The following ANKS1B variants were observed in gnomAD, a reference collection of about 807,000 sequenced individuals.
ANKS1B encodes the protein ankyrin repeat and sterile alpha motif domain-containing protein 1B.
In ANKS1B, 36 loss-of-function variants were observed where a neutral mutation model predicts 148.3. That is an observed-to-expected ratio of 0.24 (90% CI 0.19 to 0.32). The LOEUF (loss-of-function observed/expected upper bound fraction) is 0.32. Among genes scored for constraint, ANKS1B ranks in the 10% least tolerant of loss-of-function variants. The pLI is 1.00. For missense variants in ANKS1B, 1,157 were observed against 1,542.6 expected, an observed-to-expected ratio of 0.75 and a Z score of 4.19; for synonymous variants, 542 against 560.8, an observed-to-expected ratio of 0.97 and a Z score of 0.47.
At chr12:98,843,535 C>T (rs1363341641) in intron 17 of ANKS1B, among the ~76,000 whole-genome samples, 1 of 152,204 alleles carries the variant, frequency 6.6e-6, no homozygotes, top group African/African-American at 2.4e-5. Context: ...TATAAATCAC[C>T]CAGTCTCAGA....
intron 10 of ANKS1B, among the ~76,000 whole-genome samples, chr12:99,498,690 G>T (rs971437834): frequency 5.3e-5 from 8 of 152,070 alleles, no homozygotes; most frequent in Admixed American, 4.6e-4. Context: ...GAACATCAGA[G>T]GTACTCAATA....
chr12:99,581,662 G>A (rs554091037), intron 9 of ANKS1B, among the ~76,000 whole-genome samples: 6 of 151,212 alleles, frequency 4.0e-5, no homozygotes, highest in East Asian at 1.9e-4. Flanking sequence ...AGGCCGAGGC[G>A]GGTGGATCAT....
chr12:99,311,527 C>T lies in ANKS1B; in HGVS notation c.1757-64663G>A, dbSNP rs570410438. On this transcript the variant is annotated intron_variant, in intron 12 of 26. Coordinates refer to ENST00000683438, the MANE Select transcript of ANKS1B (RefSeq NM_001352186.2). ...ACAAGTATCAATATAGAAGTAAACACCATCAGAATTCAGAACTGGAAGTGA... is the reference window on the plus strand; with the variant it reads ...ACAAGTATCAATATAGAAGTAAACATCATCAGAATTCAGAACTGGAAGTGA... 8.5e-5 allele frequency among the ~76,000 whole-genome samples: 13 copies of T among 152,154 alleles called. No individual in the cohort carries two copies. The South Asian group carries it at 2.7e-3, about 32-fold the overall frequency.
chr12:98,881,302 A>G (rs1044024959), intron 17 of ANKS1B, among the ~76,000 whole-genome samples: 15 of 152,220 alleles, frequency 9.9e-5, no homozygotes, highest in African/African-American at 3.6e-4. Flanking sequence ...CAGAGTAATC[A>G]ATCATTCCAG....
intron 2 of ANKS1B, among the ~76,000 whole-genome samples, chr12:99,818,728 T>C (rs2153674356): frequency 6.6e-6 from 1 of 151,874 alleles, no homozygotes. Context: ...TTTAATAATA[T>C]CCAATGTAAA....
chr12:99,625,769 G>A (rs1016710345), intron 9 of ANKS1B, among the ~76,000 whole-genome samples: 2 of 152,118 alleles, frequency 1.3e-5, no homozygotes, highest in Admixed American at 1.3e-4. Flanking sequence ...ACGTTCACAG[G>A]AGAGGATGAG....
At chr12:99,585,219 G>A (rs1034824110) in intron 9 of ANKS1B, among the ~76,000 whole-genome samples, 5 of 152,150 alleles carry the variant, frequency 3.3e-5, no homozygotes, top group Non-Finnish European at 7.3e-5. Context: ...CCAAATGGGA[G>A]AAATTGGCCA....
intron 14 of ANKS1B, among the ~76,000 whole-genome samples, chr12:99,176,775 T>C (rs2078442975): frequency 6.6e-6 from 1 of 152,022 alleles, no homozygotes. Flanking sequence ...TCCCATTTTC[T>C]CCGTGTGAGA....
At chr12:98,851,869 CA>C (rs58335929) in intron 17 of ANKS1B, among the ~76,000 whole-genome samples, 23 of 151,472 alleles carry the variant, frequency 1.5e-4, no homozygotes, top group African/African-American at 5.6e-4. Flanking sequence ...ACTAAAAATA[CA>C]AAAATTAGCT....
rs917463031 is a variant in ANKS1B at position 98,883,583 on chromosome 12, A to G, written c.2779-51447T>C. On this transcript the variant is annotated intron_variant, in intron 17 of 26. Coordinates refer to ENST00000683438, the MANE Select transcript of ANKS1B (RefSeq NM_001352186.2). ...ATGCTTTTATTCATAGTCACTTACAATGCAGGGACACAATTCAAGAAAGCT... is the reference window on the plus strand; with the variant it reads ...ATGCTTTTATTCATAGTCACTTACAGTGCAGGGACACAATTCAAGAAAGCT... Among the ~76,000 whole-genome samples the G allele has an allele frequency of 3.3e-5, 5 of 152,352 alleles. No individual in the cohort carries two copies. The East Asian group carries it at 9.6e-4, about 29-fold the overall frequency.
intron 22 of ANKS1B, among the ~76,000 whole-genome samples, chr12:98,796,758 C>T (rs548766627): frequency 6.6e-6 from 1 of 152,190 alleles, no homozygotes; most frequent in African/African-American, 2.4e-5. Context: ...AAAAATGCCC[C>T]CCAAAACAGA....
intron 15 of ANKS1B, among the ~76,000 whole-genome samples, chr12:99,151,418 C>T (rs2074871848): frequency 6.6e-6 from 1 of 151,812 alleles, no homozygotes; most frequent in East Asian, 2.0e-4. Context: ...ATCCCAGCTA[C>T]TTGGGAGGCT....
At chr12:99,397,315 C>G (rs1423604547) in intron 12 of ANKS1B, among the ~76,000 whole-genome samples, 4 of 152,096 alleles carry the variant, frequency 2.6e-5, no homozygotes, top group Non-Finnish European at 5.9e-5. Flanking sequence ...AGTAAGAAAA[C>G]TATAGCATAA....
In ANKS1B at chr12:99,124,948, G is replaced by A. The variant is rs1600527817; in HGVS notation, c.2526+29341C>T. Among the ~76,000 whole-genome samples, 6 of 133,532 alleles carry A rather than the reference G, an allele frequency of 4.5e-5. No individual in the cohort carries two copies. The South Asian group carries it at 1.6e-3, about 35-fold the overall frequency. 87.6% of individuals were successfully genotyped at this position (133,532 alleles called of 152,430 possible). ...TAGTTAGATCACTTTTAGTAGGGTG[G>A]AAAAGAGAAAAATTTCCTGTTAAAG... On this transcript the variant is annotated intron_variant, in intron 15 of 26. Coordinates refer to ENST00000683438, the MANE Select transcript of ANKS1B (RefSeq NM_001352186.2).
chr12:99,535,134 A>G (rs2097052820), intron 9 of ANKS1B, among the ~76,000 whole-genome samples: 3 of 152,244 alleles, frequency 2.0e-5, no homozygotes, highest in African/African-American at 7.2e-5. Context: ...CAAAAAGCTT[A>G]AGAAACTTTT....
chr12:99,071,403 T>C (rs1292601858), intron 16 of ANKS1B, among the ~76,000 whole-genome samples: 1 of 152,234 alleles, frequency 6.6e-6, no homozygotes, highest in African/African-American at 2.4e-5. Flanking sequence ...GACAATGCCT[T>C]ATTCAAAATG....
chr12:99,170,729 A>T (rs1601369817), intron 14 of ANKS1B, among the ~76,000 whole-genome samples: 2 of 152,226 alleles, frequency 1.3e-5, no homozygotes, highest in South Asian at 4.2e-4. Context: ...AAGTGATCAG[A>T]ATTCCCACAC....
intron 10 of ANKS1B, among the ~76,000 whole-genome samples, chr12:99,460,970 C>A (rs1392750694): frequency 6.6e-6 from 1 of 151,848 alleles, no homozygotes; most frequent in Non-Finnish European, 1.5e-5. Context: ...GCACAATTCA[C>A]AATTGCAAAA....
intron 20 of ANKS1B, among the ~76,000 whole-genome samples, chr12:98,802,735 G>A (rs2099016153): frequency 6.7e-6 from 1 of 148,958 alleles, no homozygotes; most frequent in Non-Finnish European, 1.5e-5. Context: ...ACTGTAGTTA[G>A]TGTGTGACTA....
Sources: gnomAD v4.1 joint callset for allele counts (sites outside exome capture counted in the v4.1 genomes callset) on GRCh38, gnomAD v4.1.1 for gene constraint, MANE v1.5 for transcripts, NCBI Gene and HGNC (gene_info 2026-07-23, HGNC 2026-07-21) for gene names.